The following MAP3K21 variants were observed in gnomAD, a reference collection of about 807,000 sequenced individuals.
MAP3K21 encodes mitogen-activated protein kinase kinase kinase MLK4.
MAP3K21 carries 63 observed loss-of-function variants against 86.1 expected under a neutral mutation model. The observed-to-expected ratio is 0.73, with a 90% CI of 0.60 to 0.90. The LOEUF (loss-of-function observed/expected upper bound fraction) is 0.90, where lower values mean the gene tolerates loss of function less well. Ranked by LOEUF, MAP3K21 falls within the 40% of genes least tolerant of loss-of-function variation. The pLI, the probability that MAP3K21 is intolerant of heterozygous loss-of-function variation, is 0.00. For synonymous variants in MAP3K21, 558 were observed against 564.8 expected (o/e 0.99, Z 0.17); for missense variants, 1,220 against 1,367.7 (o/e 0.89, Z 1.70).
intron 1 of MAP3K21, among the ~76,000 whole-genome samples, chr1:233,343,222 T>C (rs955426320): frequency 3.3e-5 from 5 of 152,150 alleles, no homozygotes; most frequent in Non-Finnish European, 7.3e-5. Flanking sequence ...AGAGGCAGGA[T>C]TTCCTGAAGT....
intron 5 of MAP3K21, among the ~76,000 whole-genome samples, chr1:233,364,769 C>G (rs1040763099): frequency 6.6e-6 from 1 of 152,032 alleles, no homozygotes; most frequent in African/African-American, 2.4e-5. Flanking sequence ...CTTTTTGGCA[C>G]TTAATGAAAG....
rs569508780 is a variant in MAP3K21 at position 233,351,458 on chromosome 1, C to T, written c.987-2349C>T. 5.5e-4 allele frequency among the ~76,000 whole-genome samples: 84 copies of T among 152,040 alleles called. 1 individual carries two copies. The South Asian group carries it at 0.017, about 31-fold the overall frequency. ...CAGTAATACCAGCACTTTTGGAGGC[C>T]AAGGTAGGTGGATCACAAGGTCAGG... On this transcript the variant is annotated intron_variant, in intron 2 of 9. Coordinates refer to ENST00000366624, the MANE Select transcript of MAP3K21 (RefSeq NM_032435.3).
At chr1:233,369,555 T>C (rs1043377832) in intron 5 of MAP3K21, among the ~76,000 whole-genome samples, 3 of 152,056 alleles carry the variant, frequency 2.0e-5, no homozygotes, top group East Asian at 3.9e-4. Context: ...CACTGCCCTA[T>C]GGGCCCAATC....
At chr1:233,377,468 C>G (rs76024459) in intron 8 of MAP3K21, among the ~76,000 whole-genome samples, 4,507 of 152,192 alleles carry the variant, frequency 0.03, 180 homozygotes, top group East Asian at 0.18. Context: ...TGAAGGTTCT[C>G]CTTTATGAAG....
intron 1 of MAP3K21, among the ~76,000 whole-genome samples, 188 bp downstream of exon 1, chr1:233,329,021 C>G (rs957013384): frequency 6.6e-6 from 1 of 152,140 alleles, no homozygotes; most frequent in African/African-American, 2.4e-5. Flanking sequence ...GCTGGTGACA[C>G]GCTTAACCTT....
At chr1:233,341,563 A>G (rs936346621) in intron 1 of MAP3K21, among the ~76,000 whole-genome samples, 4 of 152,158 alleles carry the variant, frequency 2.6e-5, no homozygotes, top group African/African-American at 9.7e-5. Context: ...TGGTGTTCTG[A>G]AACTGTCAGA....
At chr1:233,344,540 G>T (rs1321051900) in intron 1 of MAP3K21, among the ~76,000 whole-genome samples, 1 of 152,190 alleles carries the variant, frequency 6.6e-6, no homozygotes, top group Non-Finnish European at 1.5e-5. Context: ...GTAGAAAGCT[G>T]AAACTGGATT....
At chr1:233,329,128 G>A (rs1482368264) in intron 1 of MAP3K21, among the ~76,000 whole-genome samples, 2 of 152,144 alleles carry the variant, frequency 1.3e-5, no homozygotes, top group African/African-American at 4.8e-5. Flanking sequence ...ACCTCAGGGG[G>A]CAGTCTGGCC....
intron 5 of MAP3K21, among the ~76,000 whole-genome samples, chr1:233,368,778 C>T (rs1438754163): frequency 6.6e-6 from 1 of 152,194 alleles, no homozygotes; most frequent in Non-Finnish European, 1.5e-5. Flanking sequence ...TCACTTCAAG[C>T]ACCAGCCTGA....
At chr1:233,360,562 G>A (rs1014689299) in intron 4 of MAP3K21, among the ~76,000 whole-genome samples, 3 of 152,086 alleles carry the variant, frequency 2.0e-5, no homozygotes, top group Admixed American at 6.6e-5. Context: ...CCCCAAATTC[G>A]TAATCAGTTT....
chr1:233,342,829 A>G (rs1345700443), intron 1 of MAP3K21, among the ~76,000 whole-genome samples: 1 of 152,090 alleles, frequency 6.6e-6, no homozygotes, highest in African/African-American at 2.4e-5. Context: ...CTCCCCATGT[A>G]GTATAGCATT....
chr1:233,375,725 T>C (rs1396986905), intron 6 of MAP3K21, 191 bp from the exon 7 acceptor site: 2 of 531,126 alleles, frequency 3.8e-6, no homozygotes, highest in Non-Finnish European at 6.6e-6. Context: ...CTTACTCCAT[T>C]TTTCTTGATG....
chr1:233,371,705 C>T (rs1663683121), intron 5 of MAP3K21, among the ~76,000 whole-genome samples: 2 of 151,558 alleles, frequency 1.3e-5, no homozygotes, highest in South Asian at 2.1e-4. Context: ...TCTTTTTTCC[C>T]AGGTTATAAA....
rs775744374 is a variant in MAP3K21, at chr1:233,382,680, T to C, written c.3080T>C (p.Ile1027Thr). 66 of 1,613,542 alleles carry C rather than the reference T, an allele frequency of 4.1e-5. No homozygotes were observed. The highest frequency in any genetic ancestry group is 5.5e-5 in the Non-Finnish European group (65 of 1,179,738). The change falls in exon 10 of 10, where the codon ATA (isoleucine) becomes ACA (threonine). Residue 1027 changes from isoleucine to threonine, a missense_variant. This residue lies in a region of MAP3K21 where 632 missense variants were observed against 691.3 expected (regional missense o/e 0.91). Transcript: ENST00000366624. ...RMRSKTSRPS[I>T]YELEKEFLS ...AGGAGCAAAACCAGCCGGCCATCTA[T>C]ATATGAACTGGAGAAAGAATTCCTG...
At chr1:233,356,141 TCA>T (rs1343881492) in intron 4 of MAP3K21, among the ~76,000 whole-genome samples, 3 of 152,150 alleles carry the variant, frequency 2.0e-5, no homozygotes, top group Non-Finnish European at 4.4e-5. Context: ...CCCTCCGTTC[TCA>T]GTCCCTGATA....
rs758543108 is a variant in MAP3K21 at position 233,379,211 on chromosome 1, G to C, written c.2205G>C (p.Leu735=). 1 of 1,614,164 alleles carries C rather than the reference G, an allele frequency of 6.2e-7. No homozygotes were observed. The highest frequency in any genetic ancestry group is 1.7e-5 in the Admixed American group (1 of 60,020). The change falls in exon 9 of 10, where the codon CTG becomes CTC. Residue 735 remains leucine, a synonymous_variant. Transcript: ENST00000366624. ...GCTVLLASVA[L]GLDLRELHKA... Reference sequence around the variant, plus strand: ...CCGTCCTTCTGGCATCGGTGGCTCTGGGACTGGACCTCAGAGAGCTTCATA... The same window carrying C: ...CCGTCCTTCTGGCATCGGTGGCTCTCGGACTGGACCTCAGAGAGCTTCATA...
intron 4 of MAP3K21, among the ~76,000 whole-genome samples, chr1:233,357,255 G>A (rs571936818): frequency 6.6e-6 from 1 of 152,246 alleles, no homozygotes; most frequent in East Asian, 1.9e-4. Context: ...GGTGTGTCAT[G>A]GAGTCAGGAG....
chr1:233,346,450 C>T lies in MAP3K21; in HGVS notation c.814C>T (p.Leu272Phe). 6.3e-7 allele frequency: 1 copy of T among 1,587,280 alleles called. No individual in the cohort carries two copies. Among genetic ancestry groups the T allele is most frequent in the Non-Finnish European group, 8.6e-7 (1 of 1,165,820 alleles). ...RDLKSSNILL[L>F]EKIEHDDICN... ...TTTTGATTTTTCTTTAGTTTTGCTACTTGAGAAGATAGAACATGATGACAT... is the reference window on the plus strand; with the variant it reads ...TTTTGATTTTTCTTTAGTTTTGCTATTTGAGAAGATAGAACATGATGACAT... Residue 272 changes from leucine to phenylalanine, a missense_variant, in exon 2 of 10, where the codon CTT (leucine) becomes TTT (phenylalanine). Leu to Phe is a conservative substitution (Grantham distance 22). Coordinates refer to ENST00000366624, the MANE Select transcript of MAP3K21 (RefSeq NM_032435.3).
chr1:233,368,183 T>C (rs1201101406), intron 5 of MAP3K21, among the ~76,000 whole-genome samples: 2 of 152,232 alleles, frequency 1.3e-5, no homozygotes, highest in Non-Finnish European at 2.9e-5. Context: ...TTTGTTTCTG[T>C]CGTGTTGTAA....
Sources: allele counts gnomAD v4.1 joint callset (sites outside exome capture counted in the v4.1 genomes callset), GRCh38; gene constraint gnomAD v4.1.1; regional missense constraint gnomAD v4.1.1; transcripts MANE v1.5; gene names NCBI Gene and HGNC (gene_info 2026-07-23, HGNC 2026-07-21).